Variants in DOCK8 observed in about 807,000 individuals in gnomAD.
DOCK8 encodes the protein dedicator of cytokinesis protein 8.
Under a neutral mutation model 245.6 loss-of-function variants are expected in DOCK8, and 141 were observed. That is an observed-to-expected ratio of 0.57 (90% confidence interval 0.50 to 0.66). The LOEUF (loss-of-function observed/expected upper bound fraction) is 0.66. Ranked by LOEUF, DOCK8 falls within the 30% of genes least tolerant of loss-of-function variation. DOCK8 has a pLI of 0.00. For missense variants in DOCK8, 2,965 were observed against 2,603.4 expected (o/e 1.14, Z -3.02); for synonymous variants, 1,168 against 970.2 (o/e 1.20, Z -3.79).
At chr9:390,358 G>A in intron 23 of DOCK8, 113 bp from the exon 24 acceptor site, 2 of 964,916 alleles carry the variant, frequency 2.1e-6, no homozygotes, top group Non-Finnish European at 3.2e-6. Context: ...TAAGACACAT[G>A]CTTCAGGAAC....
intron 30 of DOCK8, among the ~76,000 whole-genome samples, chr9:419,012 G>A (rs1383421659): frequency 6.6e-6 from 1 of 152,146 alleles, no homozygotes; most frequent in East Asian, 1.9e-4. Context: ...CATGGACTCT[G>A]TGGGCTCAAA....
chr9:340,401 G>T, intron 14 of DOCK8, 80 bp downstream of exon 14: 2 of 1,572,534 alleles, frequency 1.3e-6, no homozygotes, highest in Admixed American at 1.7e-5. Flanking sequence ...CAGGAGGATT[G>T]CTTGAGCTCA....
At chr9:388,925 T>G (rs532003268) in intron 23 of DOCK8, among the ~76,000 whole-genome samples, 3 of 152,300 alleles carry the variant, frequency 2.0e-5, no homozygotes, top group Non-Finnish European at 4.4e-5. Flanking sequence ...GGTGTTGACT[T>G]TAAAACTTAA....
chr9:425,330 A>G (rs973029773), intron 33 of DOCK8, among the ~76,000 whole-genome samples: 2 of 152,130 alleles, frequency 1.3e-5, no homozygotes, highest in South Asian at 2.1e-4. Context: ...CAGGAGATCG[A>G]GACCATCCTG....
intron 39 of DOCK8, among the ~76,000 whole-genome samples, chr9:438,547 A>G (rs2056979671): frequency 6.6e-6 from 1 of 152,226 alleles, no homozygotes; most frequent in African/African-American, 2.4e-5. Flanking sequence ...TCGAGCGGGT[A>G]CAAGATCAGT....
chr9:316,749 C>T lies in DOCK8; in HGVS notation c.742-294C>T, dbSNP rs1049000122. Among the ~76,000 whole-genome samples the T allele has an allele frequency of 3.4e-4, 51 of 152,142 alleles. 1 individual carries two copies. The highest frequency in any genetic ancestry group is 1.2e-3 in the African/African-American group (48 of 41,420). On this transcript the variant is annotated intron_variant, in intron 6 of 47. Coordinates refer to ENST00000432829, the MANE Select transcript of DOCK8 (RefSeq NM_203447.4). Reference sequence around the variant, plus strand: ...CAATAGGTATAAGATTTTGCAATGCCATCTGGTGGATGTTACTAAGCCATA... The same window carrying T: ...CAATAGGTATAAGATTTTGCAATGCTATCTGGTGGATGTTACTAAGCCATA...
intron 1 of DOCK8, among the ~76,000 whole-genome samples, chr9:232,858 C>A (rs192363295): frequency 3.4e-4 from 52 of 152,280 alleles, no homozygotes; most frequent in South Asian, 2.5e-3. Flanking sequence ...CTCCTGGATT[C>A]ATTAATTTTT....
At chr9:304,153 T>C (rs756142357) in intron 4 of DOCK8, among the ~76,000 whole-genome samples, 1 of 152,246 alleles carries the variant, frequency 6.6e-6, no homozygotes, top group Non-Finnish European at 1.5e-5. Context: ...GCCTGCTTTA[T>C]TCATTATTAA....
chr9:414,777 A>G lies in DOCK8; in HGVS notation c.3531-5A>G, dbSNP rs754154365. ...AACCTCTTGATTCCTGTGTTGTGCC[A>G]ACAGAATCAGCAAAGTACAAAGGAA... is the stretch of plus-strand genomic sequence containing the variant. On this transcript the variant is annotated splice_polypyrimidine_tract_variant and splice_region_variant and intron_variant, in intron 28 of 47. Coordinates refer to ENST00000432829, the MANE Select transcript of DOCK8 (RefSeq NM_203447.4). 3.1e-6 allele frequency: 5 copies of G among 1,614,088 alleles called. No individual in the cohort carries two copies. The highest frequency in any genetic ancestry group is 1.6e-4 in the Middle Eastern group (1 of 6,084).
chr9:331,947 G>A (rs1157143945), intron 9 of DOCK8, among the ~76,000 whole-genome samples: 2 of 152,194 alleles, frequency 1.3e-5, no homozygotes. Flanking sequence ...CTTTCACAGA[G>A]ACCATATCTC....
chr9:296,369 C>G (rs2049259716), intron 4 of DOCK8, among the ~76,000 whole-genome samples: 1 of 152,188 alleles, frequency 6.6e-6, no homozygotes, highest in Admixed American at 6.5e-5. Context: ...GAGAGCTGAA[C>G]TCTTAAGAAA....
chr9:305,575 A>G (rs117893771), intron 5 of DOCK8, among the ~76,000 whole-genome samples: 21,183 of 152,208 alleles, frequency 0.14, 1,619 homozygotes, highest in Admixed American at 0.17. Flanking sequence ...ATGAGCCACC[A>G]CGCCTGGCCA....
intron 14 of DOCK8, chr9:340,669 T>C: frequency 4.6e-6 from 1 of 215,846 alleles, no homozygotes; most frequent in Non-Finnish European, 9.5e-6. Context: ...ACCGTTGAGC[T>C]CACATTCTGA....
At chr9:313,577 CAG>C (rs1354315880) in intron 6 of DOCK8, among the ~76,000 whole-genome samples, 1 of 152,084 alleles carries the variant, frequency 6.6e-6, no homozygotes, top group Non-Finnish European at 1.5e-5. Flanking sequence ...CTCATAGAAA[CAG>C]AGTAGAAAGG....
intron 28 of DOCK8, among the ~76,000 whole-genome samples, chr9:411,393 A>C (rs976162860): frequency 6.7e-6 from 1 of 150,164 alleles, no homozygotes; most frequent in African/African-American, 2.5e-5. Flanking sequence ...AGCCTGGGCA[A>C]CAAGAGCAAA....
chr9:244,797 C>T (rs2047467260), intron 1 of DOCK8, among the ~76,000 whole-genome samples: 1 of 151,790 alleles, frequency 6.6e-6, no homozygotes, highest in African/African-American at 2.4e-5. Context: ...TGCTTCCCAC[C>T]ATAGCTCGTG....
chr9:388,841 A>C (rs1040473078), intron 23 of DOCK8, among the ~76,000 whole-genome samples: 2 of 152,230 alleles, frequency 1.3e-5, no homozygotes, highest in Non-Finnish European at 2.9e-5. Flanking sequence ...GGCATGAGTC[A>C]ACACACCTAG....
intron 14 of DOCK8, among the ~76,000 whole-genome samples, chr9:351,984 C>G (rs966007445): frequency 5.3e-5 from 8 of 152,194 alleles, no homozygotes; most frequent in African/African-American, 1.9e-4. Flanking sequence ...TCAGTACCTC[C>G]AAGTGATTCA....
At chr9:342,042 T>A (rs1475845157) in intron 14 of DOCK8, among the ~76,000 whole-genome samples, 2 of 152,248 alleles carry the variant, frequency 1.3e-5, no homozygotes, top group Non-Finnish European at 2.9e-5. Context: ...CTACTGATTC[T>A]ATATTATTGT....
Sources: gnomAD v4.1 joint callset for allele counts (sites outside exome capture counted in the v4.1 genomes callset) on GRCh38, gnomAD v4.1.1 for gene constraint, MANE v1.5 for transcripts, NCBI Gene and HGNC (gene_info 2026-07-23, HGNC 2026-07-21) for gene names.